TECRL: variants seen among roughly 807,000 people sequenced by gnomAD.
TECRL encodes trans-2,3-enoyl-CoA reductase-like.
TECRL carries 63 observed loss-of-function variants against 52.8 expected under a neutral mutation model. That is an observed-to-expected ratio of 1.19 (90% confidence interval 0.97 to 1.47). TECRL has a LOEUF of 1.47. Among genes scored for constraint, TECRL ranks in the 40% most tolerant of loss-of-function variants. The pLI is 0.00. For synonymous variants in TECRL, 164 were observed against 141.9 expected (o/e 1.16, Z -1.10); for missense variants, 482 against 429.6 (o/e 1.12, Z -1.08).
At chr4:64,280,952 A>G (rs1334524138) in intron 11 of TECRL, 89 bp downstream of exon 11, 2 of 858,398 alleles carry the variant, frequency 2.3e-6, no homozygotes, top group South Asian at 1.9e-5. Flanking sequence ...ATCATGCTAT[A>G]CTTTAGTACT....
At chr4:64,352,233 G>A (rs1720448855) in intron 2 of TECRL, among the ~76,000 whole-genome samples, 1 of 152,084 alleles carries the variant, frequency 6.6e-6, no homozygotes, top group East Asian at 1.9e-4. Context: ...CAATATTAGT[G>A]CATTGATGAA....
At chr4:64,284,815 A>T (rs1287220781) in intron 9 of TECRL, among the ~76,000 whole-genome samples, 2 of 152,114 alleles carry the variant, frequency 1.3e-5, no homozygotes, top group Non-Finnish European at 2.9e-5. Context: ...AAGAGACTTG[A>T]GACAGCTGGT....
At chr4:64,304,904 G>A (rs1396799682) in intron 7 of TECRL, 4 of 255,930 alleles carry the variant, frequency 1.6e-5, no homozygotes, top group African/African-American at 2.2e-5. Flanking sequence ...TTTAATTGTT[G>A]TTTTTTCATT....
chr4:64,395,639 A>T (rs959042709), intron 1 of TECRL, among the ~76,000 whole-genome samples: 10 of 152,340 alleles, frequency 6.6e-5, no homozygotes, highest in African/African-American at 2.4e-4. Context: ...CAAATACATT[A>T]TATAAGAAAA....
At chr4:64,309,955 A>C in intron 5 of TECRL, 24 bp from the exon 6 acceptor site, 4 of 1,462,888 alleles carry the variant, frequency 2.7e-6, no homozygotes, top group Non-Finnish European at 3.8e-6. Flanking sequence ...TAAAACATAA[A>C]CATGAAAATC....
intron 1 of TECRL, among the ~76,000 whole-genome samples, chr4:64,379,999 AATTTC>A (rs201228974): frequency 0.012 from 1,872 of 152,144 alleles, 46 homozygotes; most frequent in African/African-American, 0.042. Context: ...TGTCTGTACT[AATTTC>A]ATTTCCACTG....
chr4:64,344,225 T>C (rs1719788831), intron 2 of TECRL, among the ~76,000 whole-genome samples: 1 of 151,994 alleles, frequency 6.6e-6, no homozygotes, highest in Admixed American at 6.6e-5. Flanking sequence ...ACATATAAGA[T>C]GATACAAATA....
At chr4:64,322,844 A>ACTAT in intron 3 of TECRL, 52 bp from the exon 4 acceptor site, 1 of 1,324,718 alleles carries the variant, frequency 7.5e-7, no homozygotes, top group Non-Finnish European at 1.0e-6. Flanking sequence ...TCTTAGCATA[A>ACTAT]CGATAAAGAA....
At position 64,382,913 on chromosome 4, in the gene TECRL, G is replaced by T. The variant is rs898814202; in HGVS notation, c.235-7690C>A. 6.6e-5 allele frequency among the ~76,000 whole-genome samples: 10 copies of T among 151,994 alleles called. No homozygotes were observed. The South Asian group carries it at 2.1e-3, about 32-fold the overall frequency. On this transcript the variant is annotated intron_variant, in intron 1 of 11. Transcript: ENST00000381210. Reference sequence around the variant, plus strand: ...ACTTTTTTGTATTTTCATGGTGGTAGATATTATCCTTTTGCTTTCAGATGT... The same window carrying T: ...ACTTTTTTGTATTTTCATGGTGGTATATATTATCCTTTTGCTTTCAGATGT...
At chr4:64,311,171 A>G (rs1312040875) in intron 5 of TECRL, among the ~76,000 whole-genome samples, 1 of 152,232 alleles carries the variant, frequency 6.6e-6, no homozygotes, top group African/African-American at 2.4e-5. Flanking sequence ...GACTTTAGGA[A>G]AAACAAATAA....
intron 2 of TECRL, among the ~76,000 whole-genome samples, chr4:64,355,398 T>A (rs1299937861): frequency 8.0e-6 from 1 of 125,248 alleles, no homozygotes; most frequent in Non-Finnish European, 1.8e-5. Context: ...CTATATTAAC[T>A]TTTGTACTCT....
chr4:64,285,921 G>C (rs1463259777), intron 9 of TECRL, among the ~76,000 whole-genome samples: 1 of 151,984 alleles, frequency 6.6e-6, no homozygotes, highest in African/African-American at 2.4e-5. Context: ...GGATGTTAGA[G>C]GATGAGAAGA....
At chr4:64,316,460 A>C (rs1377818651) in intron 4 of TECRL, among the ~76,000 whole-genome samples, 1 of 152,146 alleles carries the variant, frequency 6.6e-6, no homozygotes, top group Non-Finnish European at 1.5e-5. Flanking sequence ...TGGACAATGC[A>C]TTTAAAAAAA....
In TECRL at chr4:64,389,147, AAGATGCCACACAGC is replaced by A. The variant is rs1253556915; in HGVS notation, c.235-13938_235-13925del. Among the ~76,000 whole-genome samples the A allele has an allele frequency of 2.8e-4, 42 of 152,080 alleles. No homozygotes were observed. The East Asian group carries it at 7.7e-3, about 28-fold the overall frequency. ...TTTCACATTAGCTAGAACTTCCAGTAAGATGCCACACAGCAGTGGTGAGACTAAACATCCTTTCC... is the reference window on the plus strand; with the variant it reads ...TTTCACATTAGCTAGAACTTCCAGTAAGTGGTGAGACTAAACATCCTTTCC... On this transcript the variant is annotated intron_variant, in intron 1 of 11. Coordinates refer to ENST00000381210, the MANE Select transcript of TECRL (RefSeq NM_001010874.5).
At chr4:64,302,032 G>T (rs1443360411) in intron 7 of TECRL, among the ~76,000 whole-genome samples, 1 of 151,170 alleles carries the variant, frequency 6.6e-6, no homozygotes, top group East Asian at 1.9e-4. Flanking sequence ...CTTTGATTAT[G>T]TTGATAGTAG....
intron 2 of TECRL, among the ~76,000 whole-genome samples, chr4:64,370,539 C>T (rs1427453819): frequency 6.6e-6 from 1 of 151,532 alleles, no homozygotes; most frequent in African/African-American, 2.4e-5. Context: ...ATCTTAAATG[C>T]AAATAATTTT....
chr4:64,324,766 A>G (rs1718137342), intron 3 of TECRL, among the ~76,000 whole-genome samples: 1 of 152,068 alleles, frequency 6.6e-6, no homozygotes, highest in South Asian at 2.1e-4. Context: ...TTTGTAAAAT[A>G]CATACATATA....
At chr4:64,386,994 A>C (rs1393296237) in intron 1 of TECRL, among the ~76,000 whole-genome samples, 3 of 152,194 alleles carry the variant, frequency 2.0e-5, no homozygotes, top group Non-Finnish European at 4.4e-5. Context: ...ACGTTCTATA[A>C]GTTTGGACAA....
At position 64,316,405 on chromosome 4, in the gene TECRL, A is replaced by G. The variant is rs78521404; in HGVS notation, c.436-1642T>C. 6.9e-4 allele frequency among the ~76,000 whole-genome samples: 105 copies of G among 152,252 alleles called. 2 individuals are homozygous for G. The East Asian group carries it at 0.018, about 26-fold the overall frequency. ...TTTTTCTGCTAGAATATGGAGGGTT[A>G]TGAATAATATGTCCTGAAAGCACTA... On this transcript the variant is annotated intron_variant, in intron 4 of 11. Transcript: ENST00000381210.
Sources: allele counts gnomAD v4.1 joint callset (sites outside exome capture counted in the v4.1 genomes callset), GRCh38; gene constraint gnomAD v4.1.1; transcripts MANE v1.5; gene names NCBI Gene and HGNC (gene_info 2026-07-23, HGNC 2026-07-21).